The following NFASC variants were observed in gnomAD, a reference collection of about 807,000 sequenced individuals.
NFASC encodes neurofascin homolog.
NFASC carries 43 observed loss-of-function variants against 147.5 expected under a neutral mutation model. The ratio of observed to expected loss-of-function variants is 0.29; its 90% CI spans 0.23 to 0.38. The LOEUF is 0.38. Ranked by LOEUF, NFASC falls within the 10% of genes least tolerant of loss-of-function variation. The pLI is 1.00. For missense variants in NFASC, 1,320 were observed against 1,689.0 expected (o/e 0.78, Z 3.83); for synonymous variants, 622 against 665.5 (o/e 0.93, Z 1.01).
At chr1:204,890,866 G>T (rs966870213) in intron 1 of NFASC, among the ~76,000 whole-genome samples, 1 of 151,642 alleles carries the variant, frequency 6.6e-6, no homozygotes, top group Non-Finnish European at 1.5e-5. Context: ...CACCGCACCT[G>T]GCCAGGGAGG....
At chr1:204,952,369 A>G (rs1272487267) in intron 5 of NFASC, among the ~76,000 whole-genome samples, 1 of 152,222 alleles carries the variant, frequency 6.6e-6, no homozygotes, top group African/African-American at 2.4e-5. Flanking sequence ...GACTTTCCGT[A>G]TAACATTCTT....
intron 8 of NFASC, among the ~76,000 whole-genome samples, chr1:204,967,500 T>C (rs572112179): frequency 6.6e-6 from 1 of 152,230 alleles, no homozygotes; most frequent in African/African-American, 2.4e-5. Flanking sequence ...TTCAGACCCA[T>C]GACTGTTCCG....
chr1:205,010,074 GT>G lies in NFASC; in HGVS notation c.3421+387del, dbSNP rs1444552572. On this transcript the variant is annotated intron_variant, in intron 28 of 29. Transcript: ENST00000339876. This position sits in a 1 kb window ranked among gnomAD's most constrained non-coding sequence, Gnocchi z 4.1. ...AGGAAGAGAGGCATTTTCCCTAACCGTGTCCCAGAGAATGGGGAGAGGAGGG... is the reference window on the plus strand; with the variant it reads ...AGGAAGAGAGGCATTTTCCCTAACCGGTCCCAGAGAATGGGGAGAGGAGGG... 1 of 219,468 alleles carries G rather than the reference GT, an allele frequency of 4.6e-6. No homozygotes were observed. The highest frequency in any genetic ancestry group is 2.3e-5 in the African/African-American group (1 of 44,304). The allele number at this position is 219,468 out of a possible 1,614,324, so 13.6% of individuals were successfully genotyped here. A position where few individuals can be genotyped will look rare whatever the true frequency, so the allele number is the denominator to read the frequency against.
At chr1:204,906,746 G>C (rs1368500296) in intron 1 of NFASC, among the ~76,000 whole-genome samples, 2 of 130,140 alleles carry the variant, frequency 1.5e-5, no homozygotes, top group Admixed American at 7.2e-5. Context: ...GCAGTGGCGC[G>C]ATCTCGGCTC....
intron 27 of NFASC, among the ~76,000 whole-genome samples, chr1:205,004,277 G>A (rs952791577): frequency 8.5e-5 from 13 of 152,260 alleles, no homozygotes; most frequent in African/African-American, 7.2e-5. Flanking sequence ...CTGTGGGTGA[G>A]GGTTCAGGCC....
rs866745499 is a variant in NFASC at position 204,968,328 on chromosome 1, G to A, written c.786G>A (p.Met262Ile). 1 of 1,614,156 alleles carries A rather than the reference G, an allele frequency of 6.2e-7. No individual in the cohort carries two copies. The highest frequency in any genetic ancestry group is 8.5e-7 in the Non-Finnish European group (1 of 1,179,990). The change falls in exon 9 of 30, where the codon ATG (methionine) becomes ATA (isoleucine). Residue 262 changes from methionine to isoleucine, a missense_variant. Around this residue, in one of 3 missense-constraint regions of NFASC, gnomAD observed 981 missense variants for 1,289.5 expected, o/e 0.76. Transcript: ENST00000339876. This position sits in a 1 kb window ranked among gnomAD's most constrained non-coding sequence, Gnocchi z 5.4. ...TASSQMVLRG[M>I]DLLLECIASG... ...GCAGCCAGATGGTGCTTCGTGGCAT[G>A]GACCTCCTGCTGGAATGCATCGCCT...
intron 10 of NFASC, 121 bp downstream of exon 10, chr1:204,969,103 T>C: frequency 1.2e-6 from 1 of 851,124 alleles, no homozygotes; most frequent in Non-Finnish European, 1.8e-6. Flanking sequence ...CACTGCTCAG[T>C]GGCAATGGCG....
Position 205,016,611 on chromosome 1 carries a change from G to T in NFASC, c.*72G>T. The T allele has an allele frequency of 3.7e-6, 4 of 1,075,808 alleles. No homozygotes were observed. Among genetic ancestry groups the T allele is most frequent in the Non-Finnish European group, 5.7e-6 (4 of 701,450 alleles). The allele number at this position is 1,075,808 out of a possible 1,614,324, so 66.6% of individuals were successfully genotyped here. On this transcript the variant is annotated 3_prime_UTR_variant, in exon 30 of 30. Transcript: ENST00000339876. This position sits in a 1 kb window ranked among gnomAD's most constrained non-coding sequence, Gnocchi z 5.1. ...GAGAAGGGGAGACAAAACCACTGCA[G>T]ACCTACCACGAAGCCACCACCACCT...
At position 204,975,979 on chromosome 1, in the gene NFASC, G is replaced by A. The variant is rs1390842153; in HGVS notation, c.1706+561G>A. 6.6e-6 allele frequency among the ~76,000 whole-genome samples: 1 copy of A among 152,106 alleles called. No individual in the cohort carries two copies. The highest frequency in any genetic ancestry group is 2.4e-5 in the African/African-American group (1 of 41,414). On this transcript the variant is annotated intron_variant, in intron 15 of 29. Coordinates refer to ENST00000339876, the MANE Select transcript of NFASC (RefSeq NM_001005388.3). The surrounding 1 kb of genome is among the most constrained non-coding windows in gnomAD (Gnocchi z 4.0). ...TAAAAGTCCCCCTGGGGGTTCCAGTGTGCATCAGGGTTGAGAACCACTGTT... is the reference window on the plus strand; with the variant it reads ...TAAAAGTCCCCCTGGGGGTTCCAGTATGCATCAGGGTTGAGAACCACTGTT...
intron 12 of NFASC, 64 bp from the exon 13 acceptor site, chr1:204,974,115 C>A (rs1386316396): frequency 2.2e-6 from 3 of 1,346,552 alleles, no homozygotes; most frequent in Non-Finnish European, 1.0e-6. Context: ...AGAGGTGAGA[C>A]CGAGGGGGAA....
chr1:205,002,909 G>T (rs765885712), intron 27 of NFASC, among the ~76,000 whole-genome samples, 161 bp downstream of exon 27: 1 of 152,178 alleles, frequency 6.6e-6, no homozygotes. Context: ...TCAGCTGAAG[G>T]CTCCCAGGAA....
chr1:204,968,710 T>C lies in NFASC; in HGVS notation c.819-88T>C. ...CATCCTCCTGGGCCCAAGTATACTT[T>C]TAGGCCACCTGGGTGTCCCCAGCTG... On this transcript the variant is annotated intron_variant, in intron 9 of 29. Coordinates refer to ENST00000339876, the MANE Select transcript of NFASC (RefSeq NM_001005388.3). The surrounding 1 kb of genome is among the most constrained non-coding windows in gnomAD (Gnocchi z 5.4). 1 of 1,268,196 alleles carries C rather than the reference T, an allele frequency of 7.9e-7. No individual in the cohort carries two copies. Among genetic ancestry groups the C allele is most frequent in the South Asian group, 1.5e-5 (1 of 67,160 alleles). 78.6% of individuals were successfully genotyped at this position (1,268,196 alleles called of 1,614,324 possible). A position where few individuals can be genotyped will look rare whatever the true frequency, so the allele number is the denominator to read the frequency against.
chr1:204,931,085 A>G (rs78883831), intron 2 of NFASC, among the ~76,000 whole-genome samples: 6,328 of 152,274 alleles, frequency 0.042, 434 homozygotes, highest in African/African-American at 0.14. Context: ...AGAAGAAGAA[A>G]AAAAAAAGAA....
chr1:205,005,788 C>G (rs1335964164), intron 27 of NFASC, among the ~76,000 whole-genome samples: 2 of 152,204 alleles, frequency 1.3e-5, no homozygotes, highest in Non-Finnish European at 2.9e-5. Context: ...TTTTGAACAG[C>G]CTTCTGTGTC....
chr1:204,971,123 A>C (rs2095238073), intron 11 of NFASC, among the ~76,000 whole-genome samples: 1 of 152,158 alleles, frequency 6.6e-6, no homozygotes, highest in Admixed American at 6.5e-5. Flanking sequence ...GGGAAGGTAG[A>C]GGAGAATTCA....
At chr1:204,948,196 A>G (rs1025446537) in intron 3 of NFASC, among the ~76,000 whole-genome samples, 1 of 152,244 alleles carries the variant, frequency 6.6e-6, no homozygotes, top group Non-Finnish European at 1.5e-5. Flanking sequence ...TGGAAGAGCT[A>G]TGGAATTCAC....
chr1:204,967,079 G>T (rs927264816), intron 8 of NFASC, among the ~76,000 whole-genome samples: 3 of 152,106 alleles, frequency 2.0e-5, no homozygotes, highest in Admixed American at 6.5e-5. Flanking sequence ...CTCACCCCAG[G>T]TGTCTCTGAG....
intron 1 of NFASC, among the ~76,000 whole-genome samples, chr1:204,902,783 G>A (rs958912905): frequency 7.2e-5 from 11 of 152,192 alleles, no homozygotes; most frequent in African/African-American, 2.7e-4. Context: ...AAGAGGAAAA[G>A]GGAAAGTTGG....
intron 21 of NFASC, among the ~76,000 whole-genome samples, chr1:204,982,252 A>G (rs1486172017): frequency 2.0e-5 from 3 of 152,172 alleles, no homozygotes; most frequent in South Asian, 4.1e-4. Context: ...CAGAATTCTC[A>G]TTTCACAGAT....
Sources: gnomAD v4.1 joint callset for allele counts (sites outside exome capture counted in the v4.1 genomes callset) on GRCh38, gnomAD v4.1.1 for gene constraint, gnomAD v4.1.1 regional missense constraint, Gnocchi (gnomAD v3.1) non-coding constraint, MANE v1.5 for transcripts, NCBI Gene and HGNC (gene_info 2026-07-23, HGNC 2026-07-21) for gene names.